The following SAMM50 variants were observed in gnomAD, a reference collection of about 807,000 sequenced individuals.
The protein encoded by SAMM50 is SAMM50 sorting and assembly machinery component, also known as sorting and assembly machinery component 50 homolog.
SAMM50 carries 47 observed loss-of-function variants against 66.9 expected under a neutral mutation model. The ratio of observed to expected loss-of-function variants is 0.70; its 90% CI spans 0.56 to 0.90. The LOEUF (loss-of-function observed/expected upper bound fraction) is 0.90, where lower values mean the gene tolerates loss of function less well. Among genes scored for constraint, SAMM50 ranks in the 40% least tolerant of loss-of-function variants. The pLI, the probability that SAMM50 is intolerant of heterozygous loss-of-function variation, is 0.00. For missense variants in SAMM50, 535 were observed against 595.3 expected (o/e 0.90, Z 1.05); for synonymous variants, 191 against 214.1 (o/e 0.89, Z 0.94).
chr22:43,966,808 A>T (rs1237016292), intron 3 of SAMM50, among the ~76,000 whole-genome samples: 37 of 149,858 alleles, frequency 2.5e-4, no homozygotes, highest in South Asian at 4.2e-4. Context: ...GAGATCCAGC[A>T]TTTTTTTTTT....
At chr22:43,984,866 GT>G (rs1208178535) in intron 12 of SAMM50, among the ~76,000 whole-genome samples, 4 of 151,892 alleles carry the variant, frequency 2.6e-5, no homozygotes, top group African/African-American at 9.7e-5. Context: ...TCCTGACCTC[GT>G]GATCCACCGG....
At chr22:43,980,039 C>G (rs2050254144) in intron 10 of SAMM50, among the ~76,000 whole-genome samples, 1 of 128,636 alleles carries the variant, frequency 7.8e-6, no homozygotes, top group Non-Finnish European at 1.7e-5. Context: ...TGTGGTAGTG[C>G]CCATCCATCT....
chr22:43,972,954 G>C lies in SAMM50; in HGVS notation c.513G>C (p.Ser171=). ...TTTCCTATGGAACAAAAGAAACTTC[G>C]TATGGCCTGTCCTTCTTCAAACCAC... ...FQFSYGTKET[S]YGLSFFKPRP... is the part of the protein sequence containing the mutation. The change falls in exon 6 of 15, where the codon TCG becomes TCC. Residue 171 remains serine (S), a synonymous_variant. Coordinates refer to ENST00000350028, the MANE Select transcript of SAMM50 (RefSeq NM_015380.5). The C allele has an allele frequency of 1.2e-6, 2 of 1,600,250 alleles. No individual in the cohort carries two copies. The highest frequency in any genetic ancestry group is 1.7e-6 in the Non-Finnish European group (2 of 1,177,234).
At chr22:43,985,496 T>A (rs2050287684) in intron 12 of SAMM50, among the ~76,000 whole-genome samples, 1 of 152,106 alleles carries the variant, frequency 6.6e-6, no homozygotes, top group African/African-American at 2.4e-5. Flanking sequence ...AATATGCACT[T>A]AAGGTCCCTC....
At chr22:43,970,782 C>T (rs1030875362) in intron 4 of SAMM50, among the ~76,000 whole-genome samples, 1 of 151,698 alleles carries the variant, frequency 6.6e-6, no homozygotes, top group Non-Finnish European at 1.5e-5. Context: ...GGCTTCAATT[C>T]TTTATCTTTC....
chr22:43,966,868 C>T (rs2050176206), intron 3 of SAMM50, among the ~76,000 whole-genome samples: 1 of 150,334 alleles, frequency 6.7e-6, no homozygotes, highest in African/African-American at 2.5e-5. Flanking sequence ...TTGGTGTCTT[C>T]TGTCTTCCAT....
At chr22:43,981,963 G>A (rs1473909321) in intron 11 of SAMM50, among the ~76,000 whole-genome samples, 1 of 151,912 alleles carries the variant, frequency 6.6e-6, no homozygotes, top group African/African-American at 2.4e-5. Flanking sequence ...ATTTTCTGTG[G>A]TATTACTCTC....
intron 1 of SAMM50, chr22:43,957,153 T>C (rs560263079): frequency 9.1e-6 from 7 of 769,882 alleles, no homozygotes; most frequent in South Asian, 6.9e-5. Flanking sequence ...AGAATTCTAT[T>C]TGGGCTCATG....
chr22:43,986,727 T>C (rs1042631678), intron 12 of SAMM50: 1 of 151,918 alleles, frequency 6.6e-6, no homozygotes, highest in Middle Eastern at 3.4e-3. Context: ...AATTTTTGTA[T>C]TTTTTAATAG....
Position 43,983,036 on chromosome 22 carries a change from ATATT to A in SAMM50, c.1008-893_1008-890del, listed in dbSNP as rs2050272925. Reference sequence around the variant, plus strand: ...CTTAGAAATCCCAAGTAGTAAAAACATATTTATAGGTTTTAAAACTCAAATTAAA... The same window carrying A: ...CTTAGAAATCCCAAGTAGTAAAAACATATAGGTTTTAAAACTCAAATTAAA... On this transcript the variant is annotated intron_variant, in intron 11 of 14. Coordinates refer to ENST00000350028, the MANE Select transcript of SAMM50 (RefSeq NM_015380.5). The surrounding 1 kb of genome is among the most constrained non-coding windows in gnomAD (Gnocchi z 4.2). 6.6e-6 allele frequency among the ~76,000 whole-genome samples: 1 copy of A among 152,262 alleles called. No homozygotes were observed. The highest frequency in any genetic ancestry group is 2.1e-4 in the South Asian group (1 of 4,834).
intron 5 of SAMM50, 134 bp from the exon 6 acceptor site, chr22:43,972,737 G>C (rs910873859): frequency 1.4e-5 from 12 of 839,468 alleles, no homozygotes; most frequent in Non-Finnish European, 3.8e-6. Flanking sequence ...GATTACAAAT[G>C]AAAGACTAGA....
chr22:43,971,528 C>T (rs1426551714), intron 4 of SAMM50, among the ~76,000 whole-genome samples: 1 of 152,198 alleles, frequency 6.6e-6, no homozygotes, highest in Non-Finnish European at 1.5e-5. Context: ...ACTGACACCC[C>T]TATTGTCATG....
In SAMM50 at chr22:43,990,358, G is replaced by T; in HGVS notation, c.1316G>T (p.Arg439Leu). 6.2e-7 allele frequency: 1 copy of T among 1,614,164 alleles called. No individual in the cohort carries two copies. Among genetic ancestry groups the T allele is most frequent in the Non-Finnish European group, 8.5e-7 (1 of 1,180,030 alleles). Reference protein sequence around the residue: ...GIVLRLGNIARLELNYCVPMG... With the variant: ...GIVLRLGNIALLELNYCVPMG... ...GTCCTCAGGCTTGGCAACATCGCTCGGTTGGAACTTAATTACTGCGTCCCC... is the reference window on the plus strand; with the variant it reads ...GTCCTCAGGCTTGGCAACATCGCTCTGTTGGAACTTAATTACTGCGTCCCC... Residue 439 changes from arginine (R) to leucine (L), a missense_variant, in exon 14 of 15, where the codon CGG becomes CTG. By Grantham distance (102) the Arg-to-Leu change is moderately radical. Transcript: ENST00000350028.
Position 43,976,206 on chromosome 22 carries a change from G to A in SAMM50, c.777+23G>A, listed in dbSNP as rs759280089. 3 of 1,591,170 alleles carry A rather than the reference G, an allele frequency of 1.9e-6. No homozygotes were observed. The South Asian group carries it at 3.3e-5, about 18-fold the overall frequency. The stretch of plus-strand genomic sequence containing the variant: ...TCGGTAACGGTTTCTCTTAGTTGGA[G>A]TAAATAATTTTGTTGATGGAACCAT... On this transcript the variant is annotated intron_variant, in intron 8 of 14. Transcript: ENST00000350028.
chr22:43,964,632 G>T, intron 3 of SAMM50, 79 bp downstream of exon 3: 1 of 779,926 alleles, frequency 1.3e-6, no homozygotes. Flanking sequence ...AAACCACAGA[G>T]CACCCTGCGC....
intron 7 of SAMM50, chr22:43,974,722 C>T (rs954715465): frequency 6.6e-6 from 1 of 152,422 alleles, no homozygotes; most frequent in Non-Finnish European, 1.5e-5. Context: ...ACATGCTGCT[C>T]TCTCCAGCCT....
chr22:43,955,547 G>C lies in SAMM50; in HGVS notation c.-31G>C. The C allele has an allele frequency of 6.9e-6, 11 of 1,595,376 alleles. No individual in the cohort carries two copies. Among genetic ancestry groups the C allele is most frequent in the Non-Finnish European group, 8.5e-6 (10 of 1,171,788 alleles). On this transcript the variant is annotated 5_prime_UTR_variant, in exon 1 of 15. Coordinates refer to ENST00000350028, the MANE Select transcript of SAMM50 (RefSeq NM_015380.5). ...GCAGACGCTCTGTCCCGCCCGGGCA[G>C]CTCTGCGAGGCAGCGGCTGGAGAGG...
Position 43,955,492 on chromosome 22 carries a change from C to A in SAMM50, c.-86C>A. The A allele has an allele frequency of 6.7e-7, 1 of 1,496,118 alleles. No individual in the cohort carries two copies. Among genetic ancestry groups the A allele is most frequent in the Non-Finnish European group, 9.1e-7 (1 of 1,098,800 alleles). The allele number at this position is 1,496,118 out of a possible 1,614,324, so 92.7% of individuals were successfully genotyped here. ...GGAGTTGCCTTGACCTGCAGCTCCG[C>A]CACCGCGGACCCGCCTTCTGCCCTC... is the stretch of plus-strand genomic sequence containing the variant. On this transcript the variant is annotated 5_prime_UTR_variant, in exon 1 of 15. Transcript: ENST00000350028.
chr22:43,956,927 C>G, intron 1 of SAMM50: 1 of 513,214 alleles, frequency 1.9e-6, no homozygotes, highest in South Asian at 3.0e-5. Context: ...GTATCTGTGA[C>G]TTTTGGTTAC....
Sources: gnomAD v4.1 joint callset for allele counts (sites outside exome capture counted in the v4.1 genomes callset) on GRCh38, gnomAD v4.1.1 for gene constraint, Gnocchi (gnomAD v3.1) non-coding constraint, MANE v1.5 for transcripts, NCBI Gene and HGNC (gene_info 2026-07-23, HGNC 2026-07-21) for gene names.